GPATCH2L: variants seen among roughly 807,000 people sequenced by gnomAD.
GPATCH2L encodes G-patch domain containing 2 like, also known as G patch domain-containing protein 2-like.
GPATCH2L carries 31 observed loss-of-function variants against 57.4 expected under a neutral mutation model. The ratio of observed to expected loss-of-function variants is 0.54; its 90% CI spans 0.41 to 0.73. The LOEUF is 0.73. Ranked by LOEUF, GPATCH2L falls within the 30% of genes least tolerant of loss-of-function variation. The pLI is 0.00. For synonymous variants in GPATCH2L, 199 were observed against 210.7 expected (o/e 0.94, Z 0.48); for missense variants, 481 against 599.9 (o/e 0.80, Z 2.07).
chr14:76,155,096 G>A, intron 2 of GPATCH2L, 71 bp downstream of exon 2: 1 of 1,278,034 alleles, frequency 7.8e-7, no homozygotes, highest in Non-Finnish European at 1.1e-6. Flanking sequence ...CATGGTCTTA[G>A]TGGGTTCTAC....
chr14:76,208,949 TTCAG>T lies in GPATCH2L; in HGVS notation c.*7101_*7104del, dbSNP rs1252547469. 3.3e-5 allele frequency: 5 copies of T among 152,138 alleles called. No individual in the cohort carries two copies. Among genetic ancestry groups the T allele is most frequent in the Admixed American group, 3.3e-4 (5 of 15,266 alleles). 9.4% of individuals were successfully genotyped at this position (152,138 alleles called of 1,614,324 possible). On this transcript the variant is annotated 3_prime_UTR_variant, in exon 10 of 10. Coordinates refer to ENST00000261530, the MANE Select transcript of GPATCH2L (RefSeq NM_017926.4). The stretch of plus-strand genomic sequence containing the variant: ...TCAGCATGGGGAGGTGGGGATGGGT[TTCAG>T]TCTTTAAAAAGAAATGTAGCTGAGG...
chr14:76,202,562 C>CACAG lies in GPATCH2L; in HGVS notation c.*712_*713insCAGA, dbSNP rs1555382895. ...ACACACACACACACACACACACACA[C>CACAG]AGATTGGTATAATGGAGAAGATGGT... is the stretch of plus-strand genomic sequence containing the variant. On this transcript the variant is annotated 3_prime_UTR_variant, in exon 10 of 10. Transcript: ENST00000261530. 3.1e-3 allele frequency: 462 copies of CACAG among 150,160 alleles called. 3 individuals are homozygous for CACAG. The highest frequency in any genetic ancestry group is 0.028 in the South Asian group (129 of 4,632). The allele number at this position is 150,160 out of a possible 1,614,324, so 9.3% of individuals were successfully genotyped here.
intron 8 of GPATCH2L, among the ~76,000 whole-genome samples, chr14:76,187,150 T>G (rs1471023117): frequency 2.6e-5 from 4 of 151,892 alleles, no homozygotes; most frequent in Admixed American, 2.0e-4. Context: ...ACCTTAAAGG[T>G]AAAATCACAT....
intron 8 of GPATCH2L, among the ~76,000 whole-genome samples, chr14:76,194,822 TG>T (rs1295322649): frequency 6.6e-6 from 1 of 152,198 alleles, no homozygotes; most frequent in Non-Finnish European, 1.5e-5. Flanking sequence ...AGTGGCCATT[TG>T]ATTTTTAGAA....
At chr14:76,178,377 C>T (rs951643018) in intron 7 of GPATCH2L, 28 of 588,502 alleles carry the variant, frequency 4.8e-5, no homozygotes, top group Non-Finnish European at 1.0e-5. Context: ...GGTCCCCAAC[C>T]TTATGTCACC....
At chr14:76,191,772 A>G (rs1232773771) in intron 8 of GPATCH2L, among the ~76,000 whole-genome samples, 2 of 152,116 alleles carry the variant, frequency 1.3e-5, no homozygotes, top group Non-Finnish European at 2.9e-5. Context: ...AACATTTATC[A>G]TTTCTTTTTG....
chr14:76,190,725 A>C (rs748724232), intron 8 of GPATCH2L, among the ~76,000 whole-genome samples: 2 of 152,180 alleles, frequency 1.3e-5, no homozygotes, highest in Non-Finnish European at 2.9e-5. Context: ...TTTTCAACTC[A>C]GTAATTTTCG....
intron 5 of GPATCH2L, chr14:76,176,386 A>T (rs2039329996): frequency 1.8e-6 from 1 of 554,252 alleles, no homozygotes; most frequent in Non-Finnish European, 3.2e-6. Flanking sequence ...AGTGTCTATG[A>T]TGTATTTATA....
chr14:76,152,645 G>C (rs767582921), intron 1 of GPATCH2L: 9 of 456,064 alleles, frequency 2.0e-5, no homozygotes, highest in South Asian at 1.2e-4. Flanking sequence ...GGGAGTTCTA[G>C]GGTTCTTTTG....
intron 2 of GPATCH2L, among the ~76,000 whole-genome samples, chr14:76,159,506 G>A (rs997885581): frequency 1.3e-5 from 2 of 152,016 alleles, no homozygotes; most frequent in African/African-American, 4.8e-5. Flanking sequence ...AGAGCCCCTA[G>A]CCCAGTGCTC....
intron 8 of GPATCH2L, among the ~76,000 whole-genome samples, chr14:76,186,310 G>A (rs540578737): frequency 2.6e-5 from 4 of 152,126 alleles, no homozygotes; most frequent in Non-Finnish European, 4.4e-5. Context: ...GATAGGCTGA[G>A]CTCATTTGTA....
intron 2 of GPATCH2L, among the ~76,000 whole-genome samples, chr14:76,156,809 C>CA (rs1489590985): frequency 2.0e-5 from 3 of 152,210 alleles, no homozygotes; most frequent in African/African-American, 7.2e-5. Flanking sequence ...TCTGCTCTAA[C>CA]AGCCCAAGTA....
chr14:76,189,075 A>C (rs1258446623), intron 8 of GPATCH2L, among the ~76,000 whole-genome samples: 1 of 151,992 alleles, frequency 6.6e-6, no homozygotes, highest in African/African-American at 2.4e-5. Context: ...GTCTGTTTTT[A>C]TGCCAGTACA....
rs759570516 is a variant in GPATCH2L at position 76,195,996 on chromosome 14, A to G, written c.1288+24A>G. The G allele has an allele frequency of 2.4e-5, 36 of 1,507,216 alleles. No individual in the cohort carries two copies. The East Asian group carries it at 5.4e-4, about 23-fold the overall frequency. The allele number at this position is 1,507,216 out of a possible 1,614,324, so 93.4% of individuals were successfully genotyped here. On this transcript the variant is annotated intron_variant, in intron 9 of 9. Coordinates refer to ENST00000261530, the MANE Select transcript of GPATCH2L (RefSeq NM_017926.4). ...AGGTGATTACATGCAGTTATCATTT[A>G]TTGAGCATGTACCGTGTGCCAGGCA...
chr14:76,217,745 A>C (rs573100671), downstream of GPATCH2L, among the ~76,000 whole-genome samples: 67 of 152,338 alleles, frequency 4.4e-4, 1 homozygote, highest in Admixed American at 2.4e-3. Flanking sequence ...AGACCACTGT[A>C]GAAGAGATAT....
chr14:76,219,390 A>G (rs10137323), intron 1 of GPATCH2L, among the ~76,000 whole-genome samples: 24,851 of 152,188 alleles, frequency 0.16, 2,119 homozygotes, highest in Middle Eastern at 0.33. Context: ...CAAAAATAAT[A>G]AAGTTTGTTA....
intron 2 of GPATCH2L, among the ~76,000 whole-genome samples, chr14:76,230,776 A>C (rs369659326): frequency 6.6e-6 from 1 of 152,176 alleles, no homozygotes; most frequent in East Asian, 1.9e-4. Context: ...ATCAACTTTA[A>C]TTCATTAGCG....
At chr14:76,214,995 C>G (rs558581156), downstream of GPATCH2L, among the ~76,000 whole-genome samples, 5 of 151,616 alleles carry the variant, frequency 3.3e-5, no homozygotes, top group Non-Finnish European at 7.4e-5. Flanking sequence ...ACTGAGCATC[C>G]GTACAGAATT....
At chr14:76,196,424 C>T in intron 9 of GPATCH2L, 3 of 203,236 alleles carry the variant, frequency 1.5e-5, no homozygotes, top group South Asian at 1.4e-4. Flanking sequence ...ATTTTTTAGG[C>T]TAAAACTTTT....
Sources: gnomAD v4.1 joint callset for allele counts (sites outside exome capture counted in the v4.1 genomes callset) on GRCh38, gnomAD v4.1.1 for gene constraint, MANE v1.5 for transcripts, NCBI Gene and HGNC (gene_info 2026-07-23, HGNC 2026-07-21) for gene names.